The following STPG2 variants were observed in gnomAD, a reference collection of about 807,000 sequenced individuals.
The protein encoded by STPG2 is sperm-tail PG-rich repeat-containing protein 2.
STPG2 carries 56 observed loss-of-function variants against 54.2 expected under a neutral mutation model. That is an observed-to-expected ratio of 1.03 (90% confidence interval 0.83 to 1.29). STPG2 has a LOEUF of 1.29. Among genes scored for constraint, STPG2 ranks in the 50% most tolerant of loss-of-function variants. STPG2 has a pLI of 0.00. For synonymous variants in STPG2, 200 were observed against 181.8 expected (o/e 1.10, Z -0.81); for missense variants, 596 against 544.9 (o/e 1.09, Z -0.93).
chr4:97,472,566 A>T (rs748943069), intron 4 of STPG2, among the ~76,000 whole-genome samples: 1 of 152,232 alleles, frequency 6.6e-6, no homozygotes, highest in Non-Finnish European at 1.5e-5. Flanking sequence ...AAAACTTGAA[A>T]GCAACCAAGA....
At chr4:97,653,304 C>T (rs1451574904) in intron 10 of STPG2, among the ~76,000 whole-genome samples, 1 of 151,360 alleles carries the variant, frequency 6.6e-6, no homozygotes, top group East Asian at 1.9e-4. Context: ...TGTTATTTAA[C>T]AACATATCCA....
intron 10 of STPG2, among the ~76,000 whole-genome samples, chr4:97,610,142 A>G (rs1170402833): frequency 6.6e-6 from 1 of 152,062 alleles, no homozygotes; most frequent in African/African-American, 2.4e-5. Flanking sequence ...AAAATTAAGA[A>G]AGAAAATAAA....
At chr4:97,874,256 C>A (rs1390317926) in intron 8 of STPG2, among the ~76,000 whole-genome samples, 1 of 151,732 alleles carries the variant, frequency 6.6e-6, no homozygotes, top group East Asian at 1.9e-4. Context: ...TGTTCATTAT[C>A]ATTTCAATAA....
chr4:97,714,231 T>A (rs2149009488), intron 9 of STPG2, among the ~76,000 whole-genome samples: 2 of 152,330 alleles, frequency 1.3e-5, no homozygotes, highest in South Asian at 4.1e-4. Context: ...CTTTAAAATC[T>A]AAAATATTTT....
At chr4:97,497,001 T>TTA (rs1553933324) in intron 4 of STPG2, among the ~76,000 whole-genome samples, 16 of 146,198 alleles carry the variant, frequency 1.1e-4, no homozygotes, top group African/African-American at 4.2e-4. Flanking sequence ...TTTTTTTTTT[T>TTA]AAAAAAAGCA....
intron 9 of STPG2, among the ~76,000 whole-genome samples, chr4:97,793,032 T>A (rs1189729733): frequency 6.6e-6 from 1 of 151,924 alleles, no homozygotes; most frequent in Non-Finnish European, 1.5e-5. Flanking sequence ...GAGTCACCTG[T>A]AATCCCAGCT....
At chr4:97,986,415 T>C (rs923350957) in intron 5 of STPG2, among the ~76,000 whole-genome samples, 2 of 152,226 alleles carry the variant, frequency 1.3e-5, no homozygotes, top group Admixed American at 1.3e-4. Flanking sequence ...AAATGGTTAC[T>C]GCAAAATATA....
Position 97,909,176 on chromosome 4 carries a change from A to T in STPG2, c.1044+34721T>A, listed in dbSNP as rs367796923. On this transcript the variant is annotated intron_variant, in intron 8 of 10. Coordinates refer to ENST00000295268, the MANE Select transcript of STPG2 (RefSeq NM_174952.3). ...AAGCTAATCAGGAATTTTAAGAAGC[A>T]ATTGTTAATTATATATCCTAGAAAC... is the stretch of plus-strand genomic sequence containing the variant. Among the ~76,000 whole-genome samples the T allele has an allele frequency of 7.4e-4, 112 of 151,960 alleles. 4 individuals carry two copies. The South Asian group carries it at 0.022, about 30-fold the overall frequency.
chr4:97,664,232 A>C (rs1473635608), intron 10 of STPG2, among the ~76,000 whole-genome samples: 1 of 152,262 alleles, frequency 6.6e-6, no homozygotes, highest in South Asian at 2.1e-4. Context: ...CAAATAAGAA[A>C]CCTACACATA....
chr4:97,876,148 G>A (rs1322240514), intron 8 of STPG2, among the ~76,000 whole-genome samples: 1 of 151,972 alleles, frequency 6.6e-6, no homozygotes, highest in Non-Finnish European at 1.5e-5. Flanking sequence ...CTTCCAATTA[G>A]GACATTAGTG....
chr4:97,732,795 A>T (rs1724846828), intron 9 of STPG2, among the ~76,000 whole-genome samples: 1 of 152,010 alleles, frequency 6.6e-6, no homozygotes, highest in African/African-American at 2.4e-5. Flanking sequence ...TAGACATTTC[A>T]CCAAAGAAGA....
rs191468521 is a variant in STPG2 at position 97,791,661 on chromosome 4, A to G, written c.1204+49112T>C. On this transcript the variant is annotated intron_variant, in intron 9 of 10. Coordinates refer to ENST00000295268, the MANE Select transcript of STPG2 (RefSeq NM_174952.3). ...TAACAAAGATTAGGCAAACTTCAAT[A>G]CCTCTACTATTATCAGGATTATTAT... is the stretch of plus-strand genomic sequence containing the variant. 2.5e-3 allele frequency among the ~76,000 whole-genome samples: 374 copies of G among 152,198 alleles called. 2 individuals are homozygous for G. The highest frequency in any genetic ancestry group is 8.3e-3 in the African/African-American group (343 of 41,530).
intron 8 of STPG2, among the ~76,000 whole-genome samples, chr4:97,909,123 AAAAC>A (rs373932478): frequency 1.2e-3 from 187 of 151,530 alleles, no homozygotes; most frequent in African/African-American, 4.2e-3. Flanking sequence ...AACAAAAACA[AAAAC>A]AAACAGAAAG....
intron 4 of STPG2, among the ~76,000 whole-genome samples, chr4:97,500,018 T>C (rs574604627): frequency 6.6e-6 from 1 of 152,140 alleles, no homozygotes; most frequent in Non-Finnish European, 1.5e-5. Context: ...CAGGATACTC[T>C]TGATCTAACA....
chr4:97,670,148 A>C (rs1722655976), intron 10 of STPG2, among the ~76,000 whole-genome samples: 1 of 152,160 alleles, frequency 6.6e-6, no homozygotes, highest in African/African-American at 2.4e-5. Flanking sequence ...ATAAAGTTTC[A>C]ATCTTAAGGA....
At chr4:97,727,664 T>C (rs940342220) in intron 9 of STPG2, among the ~76,000 whole-genome samples, 7 of 151,780 alleles carry the variant, frequency 4.6e-5, no homozygotes, top group Admixed American at 2.6e-4. Flanking sequence ...GATATGCTAA[T>C]TCACACATAA....
At chr4:98,092,475 C>T (rs994807740) in intron 5 of STPG2, among the ~76,000 whole-genome samples, 3 of 151,546 alleles carry the variant, frequency 2.0e-5, no homozygotes, top group Middle Eastern at 6.8e-3. Context: ...AGCCAAGTAA[C>T]CAGATAATTT....
intron 10 of STPG2, among the ~76,000 whole-genome samples, chr4:97,613,514 G>A (rs1021352017): frequency 6.8e-6 from 1 of 147,682 alleles, no homozygotes; most frequent in Non-Finnish European, 1.5e-5. Context: ...GTGTGTGTGT[G>A]TGTGTATGCA....
chr4:97,955,735 T>C (rs905340165), intron 7 of STPG2, among the ~76,000 whole-genome samples: 1 of 151,924 alleles, frequency 6.6e-6, no homozygotes, highest in Non-Finnish European at 1.5e-5. Flanking sequence ...TTCAGACACA[T>C]CAAAGGTTAA....
Sources: allele counts gnomAD v4.1 joint callset (sites outside exome capture counted in the v4.1 genomes callset), GRCh38; gene constraint gnomAD v4.1.1; transcripts MANE v1.5; gene names NCBI Gene and HGNC (gene_info 2026-07-23, HGNC 2026-07-21).